CNTN4: variants seen among roughly 807,000 people sequenced by gnomAD.
The protein encoded by CNTN4 is contactin 4.
In CNTN4, 77 loss-of-function variants were observed where a neutral mutation model predicts 122.5. That is an observed-to-expected ratio of 0.63 (90% CI 0.52 to 0.76). The LOEUF (loss-of-function observed/expected upper bound fraction) is 0.76. Among genes scored for constraint, CNTN4 ranks in the 30% least tolerant of loss-of-function variants. The pLI, the probability that CNTN4 is intolerant of heterozygous loss-of-function variation, is 0.00. For missense variants in CNTN4, 1,256 were observed against 1,259.1 expected (o/e 1.00, Z 0.04); for synonymous variants, 512 against 447.0 (o/e 1.15, Z -1.83).
intron 2 of CNTN4, among the ~76,000 whole-genome samples, chr3:2,276,075 A>G (rs1478718528): frequency 6.6e-6 from 1 of 152,154 alleles, no homozygotes; most frequent in Non-Finnish European, 1.5e-5. Context: ...ATATATTGAA[A>G]AAACGTATAT....
At chr3:2,160,050 T>C (rs928522462) in intron 2 of CNTN4, among the ~76,000 whole-genome samples, 2 of 152,172 alleles carry the variant, frequency 1.3e-5, no homozygotes, top group African/African-American at 4.8e-5. Flanking sequence ...ATAAAATGGC[T>C]TGAGAGATAA....
At chr3:2,904,358 G>C (rs1452778257) in intron 12 of CNTN4, among the ~76,000 whole-genome samples, 1 of 152,124 alleles carries the variant, frequency 6.6e-6, no homozygotes, top group East Asian at 1.9e-4. Flanking sequence ...ATGTTCTCAA[G>C]TAGAATGTAC....
At chr3:2,600,662 C>T (rs1373771787) in intron 4 of CNTN4, among the ~76,000 whole-genome samples, 2 of 152,136 alleles carry the variant, frequency 1.3e-5, no homozygotes, top group Admixed American at 6.6e-5. Context: ...AATAAACATA[C>T]GTGTGCATGT....
intron 5 of CNTN4, among the ~76,000 whole-genome samples, chr3:2,741,740 G>A (rs1056261653): frequency 6.6e-6 from 1 of 152,204 alleles, no homozygotes; most frequent in South Asian, 2.1e-4. Context: ...AGCCGTAAAT[G>A]AAAACACATT....
In CNTN4 at chr3:2,931,381, G is replaced by A. The variant is rs1444905653; in HGVS notation, c.1358+5602G>A. The stretch of plus-strand genomic sequence containing the variant: ...GTTCCTAATACCACTTGCCGCAGTA[G>A]TAAACAGAGAAGGAGCAAGACTGAG... On this transcript the variant is annotated intron_variant, in intron 13 of 24. Transcript: ENST00000418658. Among the ~76,000 whole-genome samples, 5 of 152,286 alleles carry A rather than the reference G, an allele frequency of 3.3e-5. No individual in the cohort carries two copies. In the East Asian group the frequency reaches 9.7e-4, roughly 29 times the overall value.
chr3:2,874,503 T>C (rs1004942209), intron 8 of CNTN4, among the ~76,000 whole-genome samples: 1 of 152,192 alleles, frequency 6.6e-6, no homozygotes, highest in African/African-American at 2.4e-5. Flanking sequence ...TCATTGAGTA[T>C]CTGTTCTCTA....
At chr3:2,524,005 T>C (rs941290342) in intron 3 of CNTN4, among the ~76,000 whole-genome samples, 19 of 152,144 alleles carry the variant, frequency 1.2e-4, no homozygotes, top group African/African-American at 3.6e-4. Context: ...ATGGTATAAT[T>C]CTTATGTCAT....
intron 2 of CNTN4, among the ~76,000 whole-genome samples, chr3:2,197,284 G>A (rs913767858): frequency 6.6e-6 from 1 of 152,098 alleles, no homozygotes; most frequent in Non-Finnish European, 1.5e-5. Context: ...GTAGTGGAGG[G>A]TGATGGCACA....
At chr3:2,451,723 A>G (rs368182703) in intron 3 of CNTN4, among the ~76,000 whole-genome samples, 1 of 152,254 alleles carries the variant, frequency 6.6e-6, no homozygotes, top group Non-Finnish European at 1.5e-5. Flanking sequence ...TGATGAAGTA[A>G]GTATTCCATT....
At chr3:2,956,260 G>A (rs938316768) in intron 13 of CNTN4, among the ~76,000 whole-genome samples, 5 of 152,110 alleles carry the variant, frequency 3.3e-5, no homozygotes, top group Admixed American at 6.5e-5. Flanking sequence ...CAGAAAGTAG[G>A]ATAATGGTTA....
chr3:2,340,719 A>AGAGAGAGAGAGAGAGGGG (rs1553627589), intron 3 of CNTN4, among the ~76,000 whole-genome samples: 5 of 134,858 alleles, frequency 3.7e-5, no homozygotes, highest in African/African-American at 1.3e-4. Flanking sequence ...ATAGAGAGAG[A>AGAGAGAGAGAGAGAGGGG]GAGAGAGAGA....
Position 2,385,963 on chromosome 3 carries a change from C to T in CNTN4, c.-89+46730C>T, listed in dbSNP as rs890254908. ...TCAGCAGTCGCTCCCGAGAATCCTTCTTTTTATGTTCAGAAGAGAGGTTAT... is the reference window on the plus strand; with the variant it reads ...TCAGCAGTCGCTCCCGAGAATCCTTTTTTTTATGTTCAGAAGAGAGGTTAT... On this transcript the variant is annotated intron_variant, in intron 3 of 24. Transcript: ENST00000418658. The surrounding 1 kb of genome is among the most constrained non-coding windows in gnomAD (Gnocchi z 4.0). Among the ~76,000 whole-genome samples the T allele has an allele frequency of 6.6e-6, 1 of 152,042 alleles. No homozygotes were observed. Among genetic ancestry groups the T allele is most frequent in the African/African-American group, 2.4e-5 (1 of 41,420 alleles).
At chr3:2,924,789 A>C (rs541196128) in intron 12 of CNTN4, among the ~76,000 whole-genome samples, 1 of 152,322 alleles carries the variant, frequency 6.6e-6, no homozygotes, top group African/African-American at 2.4e-5. Flanking sequence ...TGCAGTGAAA[A>C]GCTAAACAAA....
chr3:2,610,628 T>A (rs1248402083), intron 4 of CNTN4, among the ~76,000 whole-genome samples: 2 of 152,228 alleles, frequency 1.3e-5, no homozygotes, highest in Non-Finnish European at 2.9e-5. Context: ...AATGTACAAA[T>A]GCTTGTTATC....
chr3:2,881,212 TG>T (rs1475545258), intron 8 of CNTN4, among the ~76,000 whole-genome samples: 12 of 152,146 alleles, frequency 7.9e-5, no homozygotes, highest in Non-Finnish European at 1.5e-5. Flanking sequence ...CTGAAATGGC[TG>T]ATGAAAAGGG....
chr3:2,302,414 C>T (rs1357780734), intron 2 of CNTN4, among the ~76,000 whole-genome samples: 5 of 152,008 alleles, frequency 3.3e-5, no homozygotes, highest in African/African-American at 9.7e-5. Flanking sequence ...GGTGACAGAG[C>T]GAGACTCCAT....
intron 4 of CNTN4, among the ~76,000 whole-genome samples, chr3:2,585,426 C>G (rs2080145518): frequency 6.6e-6 from 1 of 151,958 alleles, no homozygotes; most frequent in South Asian, 2.1e-4. Flanking sequence ...ATAGCAAAGA[C>G]TTGGAACCAA....
At chr3:2,766,830 T>C (rs1181367131) in intron 6 of CNTN4, among the ~76,000 whole-genome samples, 1 of 152,222 alleles carries the variant, frequency 6.6e-6, no homozygotes, top group Non-Finnish European at 1.5e-5. Flanking sequence ...CATATGTCTC[T>C]TTTATATTGA....
At chr3:2,758,535 T>TTTTTTTTG (rs2090442698) in intron 6 of CNTN4, among the ~76,000 whole-genome samples, 1 of 150,478 alleles carries the variant, frequency 6.6e-6, no homozygotes, top group Non-Finnish European at 1.5e-5. Flanking sequence ...TTTTTTTTTT[T>TTTTTTTTG]GAGACGGAGT....
Sources: gnomAD v4.1 joint callset for allele counts (sites outside exome capture counted in the v4.1 genomes callset) on GRCh38, gnomAD v4.1.1 for gene constraint, Gnocchi (gnomAD v3.1) non-coding constraint, MANE v1.5 for transcripts, NCBI Gene and HGNC (gene_info 2026-07-23, HGNC 2026-07-21) for gene names.